The following LRRC49 variants were observed in gnomAD, a reference collection of about 807,000 sequenced individuals.
The protein encoded by LRRC49 is leucine rich repeat containing 49.
Under a neutral mutation model 83.3 loss-of-function variants are expected in LRRC49, and 50 were observed. The observed-to-expected ratio is 0.60, with a 90% CI of 0.48 to 0.76. The LOEUF (loss-of-function observed/expected upper bound fraction) is 0.76, where lower values mean the gene tolerates loss of function less well. Among genes scored for constraint, LRRC49 ranks in the 30% least tolerant of loss-of-function variants. The pLI is 0.00. For missense variants in LRRC49, 704 were observed against 809.1 expected (o/e 0.87, Z 1.58); for synonymous variants, 286 against 283.3 (o/e 1.01, Z -0.10).
chr15:70,997,310 T>A (rs1254879927), intron 11 of LRRC49, among the ~76,000 whole-genome samples: 1 of 152,248 alleles, frequency 6.6e-6, no homozygotes, highest in African/African-American at 2.4e-5. Context: ...ATAAAAATAT[T>A]TGATATAAAA....
At chr15:70,920,033 T>A (rs2034951530) in intron 7 of LRRC49, among the ~76,000 whole-genome samples, 1 of 152,240 alleles carries the variant, frequency 6.6e-6, no homozygotes, top group Admixed American at 6.5e-5. Context: ...CTTTGTGATA[T>A]GATACAGCTA....
At chr15:70,860,980 C>T (rs577498609) in intron 1 of LRRC49, among the ~76,000 whole-genome samples, 23 of 152,236 alleles carry the variant, frequency 1.5e-4, no homozygotes, top group Admixed American at 1.2e-3. Context: ...GTGGCCTTGT[C>T]GAACCCAAGG....
chr15:70,959,581 GGAAGGAAGGAAGGAAGGA>G (rs1319480505), intron 8 of LRRC49, among the ~76,000 whole-genome samples: 56 of 144,276 alleles, frequency 3.9e-4, no homozygotes, highest in African/African-American at 1.3e-3. Flanking sequence ...AAGGAAGGAA[GGAAGGAAGGAAGGAAGGA>G]AGGGAGGGAA....
chr15:70,939,276 C>G (rs1393365979), intron 8 of LRRC49, among the ~76,000 whole-genome samples: 1 of 152,098 alleles, frequency 6.6e-6, no homozygotes, highest in African/African-American at 2.4e-5. Flanking sequence ...CAGCATCTAG[C>G]ATGTATGTGT....
At chr15:70,885,396 A>G (rs1211169688) in intron 2 of LRRC49, among the ~76,000 whole-genome samples, 1 of 152,210 alleles carries the variant, frequency 6.6e-6, no homozygotes, top group Non-Finnish European at 1.5e-5. Context: ...AACCCTTTCT[A>G]TTTATCAAAA....
At chr15:70,985,647 G>A (rs2037582961) in intron 11 of LRRC49, among the ~76,000 whole-genome samples, 1 of 152,048 alleles carries the variant, frequency 6.6e-6, no homozygotes, top group Non-Finnish European at 1.5e-5. Context: ...GATCCCATTT[G>A]TCAATTTTGG....
intron 6 of LRRC49, 94 bp downstream of exon 6, chr15:70,911,692 C>G: frequency 1.3e-6 from 1 of 754,190 alleles, no homozygotes; most frequent in Non-Finnish European, 2.2e-6. Context: ...TTGAATTTTT[C>G]AAGAGTTTCT....
intron 10 of LRRC49, among the ~76,000 whole-genome samples, chr15:70,982,533 T>C (rs1361751360): frequency 1.3e-5 from 2 of 152,158 alleles, no homozygotes; most frequent in African/African-American, 4.8e-5. Flanking sequence ...GTCTCCAAAG[T>C]ATATACATAT....
At chr15:71,005,332 G>A (rs949656540) in intron 11 of LRRC49, among the ~76,000 whole-genome samples, 22 of 151,632 alleles carry the variant, frequency 1.5e-4, no homozygotes, top group Non-Finnish European at 2.6e-4. Flanking sequence ...TTAAATATTC[G>A]TTATATCACA....
At chr15:70,979,050 C>A (rs1345809542) in intron 9 of LRRC49, among the ~76,000 whole-genome samples, 1 of 151,908 alleles carries the variant, frequency 6.6e-6, no homozygotes, top group African/African-American at 2.4e-5. Flanking sequence ...AAATTGTTTT[C>A]TCAAATTATC....
intron 2 of LRRC49, among the ~76,000 whole-genome samples, chr15:70,886,112 A>G (rs1458495089): frequency 6.6e-6 from 1 of 152,228 alleles, no homozygotes; most frequent in Non-Finnish European, 1.5e-5. Context: ...AATGGAAATT[A>G]GATATTTTAT....
At chr15:70,923,242 G>A (rs1215796292) in intron 7 of LRRC49, among the ~76,000 whole-genome samples, 2 of 151,920 alleles carry the variant, frequency 1.3e-5, no homozygotes, top group Non-Finnish European at 2.9e-5. Flanking sequence ...ATTGTGACCA[G>A]TAAATGTAGA....
intron 9 of LRRC49, among the ~76,000 whole-genome samples, chr15:70,968,357 G>A (rs570980260): frequency 2.0e-4 from 31 of 152,182 alleles, no homozygotes; most frequent in East Asian, 3.9e-4. Context: ...TGGTGTATAC[G>A]TGCCACATTT....
At chr15:71,038,990 A>G (rs2141301147) in intron 15 of LRRC49, among the ~76,000 whole-genome samples, 1 of 152,302 alleles carries the variant, frequency 6.6e-6, no homozygotes, top group African/African-American at 2.4e-5. Context: ...ATATACGGAT[A>G]AGTATCAATC....
intron 1 of LRRC49, among the ~76,000 whole-genome samples, chr15:70,862,577 CAAAAAAAA>C (rs10623501): frequency 3.2e-5 from 2 of 61,748 alleles, no homozygotes; most frequent in African/African-American, 6.9e-5. Flanking sequence ...GACTCCGTCT[CAAAAAAAA>C]AAAAAAAAAA....
rs199883910 is a variant in LRRC49, at chr15:71,012,885, C to T, written c.1675C>T (p.Arg559Cys). 1.7e-5 allele frequency: 28 copies of T among 1,611,946 alleles called. No individual in the cohort carries two copies. The highest frequency in any genetic ancestry group is 1.6e-4 in the Middle Eastern group (1 of 6,074). The change falls in exon 14 of 16, where the codon CGT becomes TGT. Residue 559 changes from arginine to cysteine, a missense_variant. Physicochemically the swap from Arg to Cys is radical, Grantham distance 180 (BLOSUM62 -3). Transcript: ENST00000260382. ...AGCATCTTCTGAGTTACCCCAGTAT[C>T]GTCTGATTTCCATTCTGGGTGATGC... Reference protein sequence around the residue: ...HVASSELPQYRLISILGDARK... With the variant: ...HVASSELPQYCLISILGDARK...
rs371260599 is a variant in LRRC49, at chr15:70,968,212, C to G, written c.921+4280C>G. ...CCCATGTGTTCTCATTGTTAAACTC[C>G]CATTATGAATGAGAACATGCAGTGC... is the stretch of plus-strand genomic sequence containing the variant. On this transcript the variant is annotated intron_variant, in intron 9 of 15. Transcript: ENST00000260382. 1.2e-4 allele frequency among the ~76,000 whole-genome samples: 19 copies of G among 152,100 alleles called. 1 individual carries two copies. Among genetic ancestry groups the G allele is most frequent in the African/African-American group, 4.6e-4 (19 of 41,480 alleles).
upstream of LRRC49, among the ~76,000 whole-genome samples, chr15:70,891,571 G>C (rs960798319): frequency 8.1e-5 from 2 of 24,774 alleles, no homozygotes; most frequent in Admixed American, 3.0e-4. Context: ...AAGACTCTGT[G>C]TGTGTGTGTG....
chr15:70,936,920 G>T, intron 8 of LRRC49, 98 bp downstream of exon 8: 1 of 742,912 alleles, frequency 1.3e-6, no homozygotes, highest in Non-Finnish European at 2.3e-6. Context: ...AATTTTACTA[G>T]CATGGAAGAT....
Sources: allele counts gnomAD v4.1 joint callset (sites outside exome capture counted in the v4.1 genomes callset), GRCh38; gene constraint gnomAD v4.1.1; transcripts MANE v1.5; gene names NCBI Gene and HGNC (gene_info 2026-07-23, HGNC 2026-07-21).